Variants in TRPV3 observed in about 807,000 individuals in gnomAD.
TRPV3 encodes VRL-3.
A neutral mutation model predicts 87.1 loss-of-function variants in TRPV3; 88 were observed. The ratio of observed to expected loss-of-function variants is 1.01; its 90% CI spans 0.85 to 1.21. The LOEUF (loss-of-function observed/expected upper bound fraction) is 1.21, where lower values mean the gene tolerates loss of function less well. TRPV3 is among the 50% of genes most tolerant of loss of function. The probability of loss-of-function intolerance (pLI) is 0.00; values close to 1 mark genes in which losing one functional copy is unlikely to be tolerated. For missense variants in TRPV3, 1,054 were observed against 1,030.1 expected (o/e 1.02, Z -0.32); for synonymous variants, 438 against 423.3 (o/e 1.03, Z -0.43).
At position 3,542,538 on chromosome 17, in the gene TRPV3, T is replaced by A. The variant is rs1489625544; in HGVS notation, c.627A>T (p.Thr209=). Residue 209 remains threonine (T), a synonymous_variant, in exon 6 of 18, where the codon ACA becomes ACT. Transcript: ENST00000576742. ...GCAGGATACCTTCATAGGCCTCCTC[T>A]GTGTACTCGGCGTTGATGAACCTGC... ...ILGRFINAEY[T]EEAYEGQTAL... is the part of the protein sequence containing the mutation. 1 of 1,613,796 alleles carries A rather than the reference T, an allele frequency of 6.2e-7. No individual in the cohort carries two copies. The highest frequency in any genetic ancestry group is 1.3e-5 in the African/African-American group (1 of 74,906).
rs1597497177 is a variant in TRPV3 at position 3,556,167 on chromosome 17, A to T, written c.-2-1315T>A. ...ACTCCAGCCTGGGCGACAGAGCGAG[A>T]CTCCGTCTCAAAAAAAATGAAAAAA... On this transcript the variant is annotated intron_variant, in intron 1 of 17. Coordinates refer to ENST00000576742, the MANE Select transcript of TRPV3 (RefSeq NM_145068.4). The surrounding 1 kb of genome is among the most constrained non-coding windows in gnomAD (Gnocchi z 4.2). Among the ~76,000 whole-genome samples the T allele has an allele frequency of 4.1e-5, 6 of 146,080 alleles. No homozygotes were observed. In the South Asian group the frequency reaches 1.4e-3, roughly 33 times the overall value.
In TRPV3 at chr17:3,513,318, C is replaced by G. The variant is rs907779662; in HGVS notation, c.*599G>C. 6.6e-6 allele frequency: 1 copy of G among 152,662 alleles called. No individual in the cohort carries two copies. Among genetic ancestry groups the G allele is most frequent in the African/African-American group, 2.4e-5 (1 of 41,434 alleles). 9.5% of individuals were successfully genotyped at this position (152,662 alleles called of 1,614,324 possible). On this transcript the variant is annotated 3_prime_UTR_variant, in exon 18 of 18. Coordinates refer to ENST00000576742, the MANE Select transcript of TRPV3 (RefSeq NM_145068.4). ...GTTTGAACCTTGGGGTGTCAGGGGA[C>G]GTTCACTCCAAGGATGGTCTCCTTT...
At chr17:3,526,787 C>T (rs1315682841) in intron 12 of TRPV3, 67 bp downstream of exon 12, 41 of 1,288,780 alleles carry the variant, frequency 3.2e-5, no homozygotes, top group East Asian at 3.2e-4. Flanking sequence ...GAGGCGGACA[C>T]GGCAGCCACC....
rs1372027050 is a variant in TRPV3 at position 3,528,977 on chromosome 17, T to G, written c.1261A>C (p.Thr421Pro). 1.2e-6 allele frequency: 2 copies of G among 1,614,134 alleles called. No homozygotes were observed. Among genetic ancestry groups the G allele is most frequent in the African/African-American group, 1.3e-5 (1 of 75,044 alleles). ...TNIDNRHEML[T>P]LEPLHTLLHM... ...AGCAGCGTGTGCAGCGGCTCCAGGGTCAGCATCTCATGCCGGTTCTAGGGG... is the reference window on the plus strand; with the variant it reads ...AGCAGCGTGTGCAGCGGCTCCAGGGGCAGCATCTCATGCCGGTTCTAGGGG... The change falls in exon 10 of 18, where the codon ACC becomes CCC. Residue 421 changes from threonine to proline, a missense_variant. Transcript: ENST00000576742. This position sits in a 1 kb window ranked among gnomAD's most constrained non-coding sequence, Gnocchi z 4.2.
intron 4 of TRPV3, among the ~76,000 whole-genome samples, chr17:3,544,101 A>G (rs2074496173): frequency 8.2e-6 from 1 of 121,992 alleles, no homozygotes. Context: ...CTCCACCTCC[A>G]GGGTGCAAGC....
At chr17:3,525,263 A>G (rs536852754) in intron 12 of TRPV3, among the ~76,000 whole-genome samples, 153 of 152,226 alleles carry the variant, frequency 1.0e-3, no homozygotes, top group African/African-American at 2.8e-3. Flanking sequence ...CAGGTGATCC[A>G]CCCACCTCGG....
Position 3,526,874 on chromosome 17 carries a change from A to G in TRPV3, c.1557T>C (p.Asp519=). 6.2e-7 allele frequency: 1 copy of G among 1,611,902 alleles called. No homozygotes were observed. The highest frequency in any genetic ancestry group is 8.5e-7 in the Non-Finnish European group (1 of 1,179,210). The stretch of plus-strand genomic sequence containing the variant: ...CTTACAAGACAAAGTGGAACCAGGC[A>G]TCCGAGAGGATGGACTGCAGATCCG... ...RPSDLQSILS[D]AWFHFVFFIQ... Residue 519 remains aspartate, a synonymous_variant, in exon 12 of 18, where the codon GAT becomes GAC. Coordinates refer to ENST00000576742, the MANE Select transcript of TRPV3 (RefSeq NM_145068.4).
chr17:3,554,785 G>A lies in TRPV3; in HGVS notation c.66C>T (p.Asn22=), dbSNP rs766246982. 2.7e-5 allele frequency: 44 copies of A among 1,612,756 alleles called. No individual in the cohort carries two copies. Among genetic ancestry groups the A allele is most frequent in the East Asian group, 4.5e-5 (2 of 44,852 alleles). ...MGKRVAAPSG[N]PAILPEKRPA... The stretch of plus-strand genomic sequence containing the variant: ...GCCTCTTCTCTGGCAGGATGGCAGG[G>A]TTCCCACTGGGGGCAGCAACTCTCT... Residue 22 remains asparagine (N), a synonymous_variant, in exon 2 of 18, where the codon AAC becomes AAT. Coordinates refer to ENST00000576742, the MANE Select transcript of TRPV3 (RefSeq NM_145068.4).
intron 14 of TRPV3, among the ~76,000 whole-genome samples, chr17:3,519,422 T>TTGGATGGATGGATGGA (rs59693032): frequency 0.058 from 6,449 of 111,002 alleles, 400 homozygotes; most frequent in African/African-American, 0.14. Context: ...GGATGGATGA[T>TTGGATGGATGGATGGA]TGGATGGATG....
rs2074123226 is a variant in TRPV3, at chr17:3,512,293, G to A, written c.*1624C>T. ...ACGCGATTACTCCCTGGGTCAGCTGGGAGGGCAGGGGCTGCTGTGGATTGT... is the reference window on the plus strand; with the variant it reads ...ACGCGATTACTCCCTGGGTCAGCTGAGAGGGCAGGGGCTGCTGTGGATTGT... On this transcript the variant is annotated 3_prime_UTR_variant, in exon 18 of 18. Coordinates refer to ENST00000576742, the MANE Select transcript of TRPV3 (RefSeq NM_145068.4). 1 of 147,404 alleles carries A rather than the reference G, an allele frequency of 6.8e-6. No homozygotes were observed. Among genetic ancestry groups the A allele is most frequent in the Non-Finnish European group, 1.5e-5 (1 of 67,162 alleles). The allele number at this position is 147,404 out of a possible 1,614,324, so 9.1% of individuals were successfully genotyped here.
chr17:3,546,449 A>C (rs1291969713), intron 2 of TRPV3, among the ~76,000 whole-genome samples: 1 of 152,052 alleles, frequency 6.6e-6, no homozygotes, highest in Non-Finnish European at 1.5e-5. Flanking sequence ...CTCAAAAAAC[A>C]AACAAACCAA....
At chr17:3,539,183 C>T (rs754734098) in intron 6 of TRPV3, among the ~76,000 whole-genome samples, 3 of 151,866 alleles carry the variant, frequency 2.0e-5, no homozygotes, top group African/African-American at 7.3e-5. Context: ...TTGTAGAATA[C>T]AGACAGTATG....
At chr17:3,554,629 A>G in intron 2 of TRPV3, 103 bp downstream of exon 2, 1 of 792,650 alleles carries the variant, frequency 1.3e-6, no homozygotes, top group Non-Finnish European at 2.1e-6. Flanking sequence ...CGAGACTGAG[A>G]GTCTCAGGTC....
rs966401242 is a variant in TRPV3 at position 3,530,406 on chromosome 17, C to A, written c.1066-203G>T. 8 of 502,202 alleles carry A rather than the reference C, an allele frequency of 1.6e-5. No homozygotes were observed. Among genetic ancestry groups the A allele is most frequent in the Admixed American group, 3.7e-5 (1 of 27,128 alleles). The allele number at this position is 502,202 out of a possible 1,614,324, so 31.1% of individuals were successfully genotyped here. ...AAAGCTTGCTGTTCCGCCCATCTCA[C>A]TGGGGGTTGTGAATACCAGGGACAA... is the stretch of plus-strand genomic sequence containing the variant. On this transcript the variant is annotated intron_variant, in intron 8 of 17. Transcript: ENST00000576742. The surrounding 1 kb of genome is among the most constrained non-coding windows in gnomAD (Gnocchi z 4.0).
At chr17:3,519,570 A>T (rs2074219549) in intron 14 of TRPV3, among the ~76,000 whole-genome samples, 1 of 130,078 alleles carries the variant, frequency 7.7e-6, no homozygotes, top group Non-Finnish European at 1.7e-5. Flanking sequence ...CGATGGATGG[A>T]TGGATGATTA....
intron 14 of TRPV3, among the ~76,000 whole-genome samples, chr17:3,520,481 T>G (rs1409566284): frequency 3.9e-5 from 6 of 152,202 alleles, no homozygotes; most frequent in African/African-American, 1.4e-4. Context: ...CTGAAAACAC[T>G]TGCAGAACCT....
chr17:3,527,812 A>C (rs2074312966), intron 11 of TRPV3: 1 of 569,976 alleles, frequency 1.8e-6, no homozygotes, highest in African/African-American at 1.9e-5. Context: ...AATGGCGGAT[A>C]GTTGGGCAGA....
At chr17:3,529,201 C>G (rs1300254884) in intron 9 of TRPV3, among the ~76,000 whole-genome samples, 1 of 152,104 alleles carries the variant, frequency 6.6e-6, no homozygotes, top group Non-Finnish European at 1.5e-5. Flanking sequence ...TCAGAGGCCG[C>G]AGGAGCCCGG....
chr17:3,527,834 G>A, intron 11 of TRPV3, 191 bp downstream of exon 11: 1 of 591,412 alleles, frequency 1.7e-6, no homozygotes, highest in South Asian at 2.0e-5. Context: ...GGATAGAGAA[G>A]TAGATGGATG....
Sources: gnomAD v4.1 joint callset for allele counts (sites outside exome capture counted in the v4.1 genomes callset) on GRCh38, gnomAD v4.1.1 for gene constraint, Gnocchi (gnomAD v3.1) non-coding constraint, MANE v1.5 for transcripts, NCBI Gene and HGNC (gene_info 2026-07-23, HGNC 2026-07-21) for gene names.